Variants in HLCS observed in about 807,000 individuals in gnomAD.
HLCS encodes holocarboxylase synthetase.
A neutral mutation model predicts 75.0 loss-of-function variants in HLCS; 53 were observed. That is an observed-to-expected ratio of 0.71 (90% CI 0.57 to 0.89). The LOEUF (loss-of-function observed/expected upper bound fraction) is 0.89, where lower values mean the gene tolerates loss of function less well. Among genes scored for constraint, HLCS ranks in the 40% least tolerant of loss-of-function variants. The pLI is 0.00. For missense variants in HLCS, 966 were observed against 1,074.0 expected, an observed-to-expected ratio of 0.90 and a Z score of 1.41; for synonymous variants, 431 against 428.6, an observed-to-expected ratio of 1.01 and a Z score of -0.07.
In HLCS at chr21:36,941,220, A is replaced by C. The variant is rs577167546; in HGVS notation, c.331-2226T>G. Among the ~76,000 whole-genome samples, 4 of 152,222 alleles carry C rather than the reference A, an allele frequency of 2.6e-5. No individual in the cohort carries two copies. The East Asian group carries it at 7.7e-4, about 29-fold the overall frequency. ...GAGCAAGACTCTGTCTCAATCAATC[A>C]ATCAATAAAGTGTTTGGTAGTTTCC... On this transcript the variant is annotated intron_variant, in intron 2 of 10. Coordinates refer to ENST00000674895, the MANE Select transcript of HLCS (RefSeq NM_001352514.2).
At chr21:36,826,503 C>T (rs1429231636) in intron 6 of HLCS, among the ~76,000 whole-genome samples, 1 of 152,204 alleles carries the variant, frequency 6.6e-6, no homozygotes, top group Non-Finnish European at 1.5e-5. Flanking sequence ...GCTTTTCTTG[C>T]CTTCATGCTT....
At chr21:36,815,202 T>C (rs1373870224) in intron 6 of HLCS, among the ~76,000 whole-genome samples, 2 of 152,122 alleles carry the variant, frequency 1.3e-5, no homozygotes, top group Non-Finnish European at 2.9e-5. Context: ...AATTTTTTTG[T>C]ATTTTTAGTA....
chr21:36,796,448 T>C (rs9977488), intron 6 of HLCS, among the ~76,000 whole-genome samples: 139,365 of 152,262 alleles, frequency 0.92, 63,908 homozygotes, highest in East Asian at 1. Flanking sequence ...AATGATTTTA[T>C]TAGATTCTCT....
At chr21:36,868,318 T>C (rs939645422) in intron 6 of HLCS, among the ~76,000 whole-genome samples, 5 of 126,954 alleles carry the variant, frequency 3.9e-5, no homozygotes, top group Non-Finnish European at 7.9e-5. Flanking sequence ...AGACCCCTTC[T>C]ATATTAACAC....
chr21:36,966,444 C>CCCCCGGGGG lies in HLCS; in HGVS notation c.194_195insCCCCCGGGG (p.Gln65delinsHisProArgGly). 1 of 975,108 alleles carries CCCCCGGGGG rather than the reference C, an allele frequency of 1.0e-6. No homozygotes were observed. The highest frequency in any genetic ancestry group is 1.2e-6 in the Non-Finnish European group (1 of 821,314). 60.4% of individuals were successfully genotyped at this position (975,108 alleles called of 1,614,324 possible). A position where few individuals can be genotyped will look rare whatever the true frequency, so the allele number is the denominator to read the frequency against. On this transcript the variant is annotated protein_altering_variant and splice_region_variant, in exon 1 of 11. Transcript: ENST00000674895. ...TCGCCCGCCCGCCCGACCCGCCCAC[C>CCCCCGGGGG]TGGCTGTCGCTGACGCAGAAGACGC...
At chr21:36,758,104 T>A (rs1568964039) in intron 9 of HLCS, among the ~76,000 whole-genome samples, 1 of 152,138 alleles carries the variant, frequency 6.6e-6, no homozygotes. Flanking sequence ...TATTTTTTAT[T>A]TTTATTTATT....
intron 1 of HLCS, among the ~76,000 whole-genome samples, chr21:36,989,128 C>T (rs1337973337): frequency 2.0e-5 from 3 of 151,636 alleles, no homozygotes; most frequent in African/African-American, 4.8e-5. Flanking sequence ...GCTCTGCCTC[C>T]CTGGCTAAAG....
intron 6 of HLCS, among the ~76,000 whole-genome samples, chr21:36,786,680 G>A (rs759502751): frequency 1.1e-4 from 16 of 152,198 alleles, no homozygotes; most frequent in Non-Finnish European, 2.1e-4. Context: ...AATCTGGAGA[G>A]GGAAAGGCAT....
chr21:36,966,369 G>A, intron 1 of HLCS, 75 bp downstream of exon 1: 1 of 668,576 alleles, frequency 1.5e-6, no homozygotes, highest in Non-Finnish European at 1.9e-6. Context: ...CGGGCTCCCG[G>A]CGGGGACGAG....
At chr21:36,947,467 C>A in intron 2 of HLCS, 1 of 985,286 alleles carries the variant, frequency 1.0e-6, no homozygotes. Context: ...GTTTGCCTTC[C>A]AGTGGATAAA....
In HLCS at chr21:36,754,203, G is replaced by GC; in HGVS notation, c.*42dup. ...ACAACTCTAAATTAGATTTCCAGAT[G>GC]CATGGGCACGGACAGGCAGCCGCGT... On this transcript the variant is annotated 3_prime_UTR_variant, in exon 11 of 11. Transcript: ENST00000674895. 1 of 1,592,744 alleles carries GC rather than the reference G, an allele frequency of 6.3e-7. No individual in the cohort carries two copies. Among genetic ancestry groups the GC allele is most frequent in the Non-Finnish European group, 8.6e-7 (1 of 1,162,454 alleles).
chr21:36,793,295 C>CTTTTGTTTTTTTTTTTTTTT (rs2060927195), intron 6 of HLCS, among the ~76,000 whole-genome samples: 1 of 116,262 alleles, frequency 8.6e-6, no homozygotes, highest in Non-Finnish European at 1.8e-5. Context: ...AGGAAGCAGT[C>CTTTTGTTTTTTTTTTTTTTT]TTTTTTTTTT....
intron 5 of HLCS, among the ~76,000 whole-genome samples, chr21:36,902,938 C>T (rs553680278): frequency 4.6e-5 from 7 of 152,220 alleles, no homozygotes; most frequent in South Asian, 4.1e-4. Context: ...TGAGACTAAC[C>T]GACCACAAAT....
intron 6 of HLCS, among the ~76,000 whole-genome samples, chr21:36,788,666 A>T (rs569581892): frequency 1.3e-4 from 20 of 151,770 alleles, no homozygotes; most frequent in African/African-American, 4.8e-4. Context: ...ACTGCATTAC[A>T]GTTGGATATT....
chr21:36,856,310 G>A (rs1004845128), intron 6 of HLCS, among the ~76,000 whole-genome samples: 1 of 152,182 alleles, frequency 6.6e-6, no homozygotes, highest in Non-Finnish European at 1.5e-5. Context: ...TGCTCACATG[G>A]AAGAGAACTG....
At chr21:36,877,935 A>G (rs2064047872) in intron 6 of HLCS, among the ~76,000 whole-genome samples, 2 of 152,062 alleles carry the variant, frequency 1.3e-5, no homozygotes, top group African/African-American at 4.8e-5. Flanking sequence ...TCTGAGAAAA[A>G]GTCCACAGAC....
chr21:36,765,143 C>T lies in HLCS; in HGVS notation c.1990G>A (p.Val664Met). The change falls in exon 8 of 11, where the codon GTG becomes ATG. Residue 664 changes from valine to methionine, a missense_variant. By Grantham distance (21) the Val-to-Met change is conservative. Coordinates refer to ENST00000674895, the MANE Select transcript of HLCS (RefSeq NM_001352514.2). ...GRGGNVWLSPVGCALSTLLIS... is the reference protein window; with the variant it reads ...GRGGNVWLSPMGCALSTLLIS... ...AGCAGAGTAGAAAGAGCACATCCCA[C>T]AGGGCTCAGCCACACATTCCCTCCC... 1.2e-6 allele frequency: 2 copies of T among 1,614,194 alleles called. No homozygotes were observed. Among genetic ancestry groups the T allele is most frequent in the South Asian group, 1.1e-5 (1 of 91,072 alleles).
intron 7 of HLCS, among the ~76,000 whole-genome samples, chr21:36,766,320 G>T (rs1327288589): frequency 6.6e-6 from 1 of 152,098 alleles, no homozygotes. Flanking sequence ...ACTATGCCTG[G>T]CCTACTTTTC....
intron 5 of HLCS, among the ~76,000 whole-genome samples, chr21:36,915,224 G>A (rs2065883428): frequency 6.6e-6 from 1 of 152,238 alleles, no homozygotes; most frequent in Admixed American, 6.5e-5. Flanking sequence ...GCTGACCGCA[G>A]CTTCTTCATT....
Sources: allele counts gnomAD v4.1 joint callset (sites outside exome capture counted in the v4.1 genomes callset), GRCh38; gene constraint gnomAD v4.1.1; transcripts MANE v1.5; gene names NCBI Gene and HGNC (gene_info 2026-07-23, HGNC 2026-07-21).